Variants in POGLUT3 observed in about 807,000 individuals in gnomAD.
POGLUT3 encodes protein O-glucosyltransferase 3.
A neutral mutation model predicts 54.3 loss-of-function variants in POGLUT3; 48 were observed. The ratio of observed to expected loss-of-function variants is 0.88; its 90% CI spans 0.70 to 1.12. The LOEUF is 1.12. POGLUT3 is among the 50% of genes most tolerant of loss of function. The pLI is 0.00. For synonymous variants in POGLUT3, 218 were observed against 237.4 expected (o/e 0.92, Z 0.75); for missense variants, 629 against 618.7 (o/e 1.02, Z -0.18).
In POGLUT3 at chr11:108,478,874, G is replaced by A. The variant is rs191332352; in HGVS notation, c.1293+427C>T. Among the ~76,000 whole-genome samples the A allele has an allele frequency of 7.4e-4, 113 of 152,296 alleles. 1 individual carries two copies. Among genetic ancestry groups the A allele is most frequent in the African/African-American group, 2.5e-3 (103 of 41,556 alleles). On this transcript the variant is annotated intron_variant, in intron 6 of 7. Transcript: ENST00000323468. ...AAGGAATTCCTATTTTATAGGAAAC[G>A]TGATGCTTGCGTTGTATAACACGCA... is the stretch of plus-strand genomic sequence containing the variant.
In POGLUT3 at chr11:108,474,753, T is replaced by A; in HGVS notation, c.*74A>T. The stretch of plus-strand genomic sequence containing the variant: ...GTCCACTTGGTGCAGTCTTCTATAC[T>A]GTCCTTCACAGCTTAGATTCAATCT... On this transcript the variant is annotated 3_prime_UTR_variant, in exon 8 of 8. Coordinates refer to ENST00000323468, the MANE Select transcript of POGLUT3 (RefSeq NM_153705.5). 6.4e-7 allele frequency: 1 copy of A among 1,572,878 alleles called. No homozygotes were observed.
intron 7 of POGLUT3, among the ~76,000 whole-genome samples, 166 bp downstream of exon 7, chr11:108,477,441 A>C (rs2093584072): frequency 6.6e-6 from 1 of 152,150 alleles, no homozygotes; most frequent in African/African-American, 2.4e-5. Context: ...GGGGGCCACC[A>C]AATGAAGACT....
chr11:108,478,585 T>C (rs2093586694), intron 6 of POGLUT3, among the ~76,000 whole-genome samples: 1 of 152,224 alleles, frequency 6.6e-6, no homozygotes, highest in Non-Finnish European at 1.5e-5. Context: ...AGGCTGTTCA[T>C]TCAGTACCAG....
At chr11:108,481,137 A>G in intron 5 of POGLUT3, 43 bp downstream of exon 5, 2 of 1,481,404 alleles carry the variant, frequency 1.4e-6, no homozygotes, top group South Asian at 1.3e-5. Context: ...TTTTAATACA[A>G]TTTTATCGCT....
intron 5 of POGLUT3, among the ~76,000 whole-genome samples, chr11:108,479,987 C>G (rs1287822929): frequency 6.6e-6 from 1 of 152,162 alleles, no homozygotes; most frequent in Non-Finnish European, 1.5e-5. Flanking sequence ...GCACCCACCA[C>G]TGCAGCCAGC....
intron 1 of POGLUT3, 111 bp downstream of exon 1, chr11:108,498,054 G>C (rs2093625482): frequency 1.0e-6 from 1 of 953,454 alleles, no homozygotes; most frequent in Non-Finnish European, 1.5e-6. Context: ...CCCAAAAAGG[G>C]GCGACACACG....
At chr11:108,497,287 G>C (rs552281197) in intron 1 of POGLUT3, among the ~76,000 whole-genome samples, 1 of 152,318 alleles carries the variant, frequency 6.6e-6, no homozygotes, top group African/African-American at 2.4e-5. Flanking sequence ...TAAATTCTCT[G>C]CTTTGCCCAG....
chr11:108,487,833 A>G (rs1362209363), intron 2 of POGLUT3, among the ~76,000 whole-genome samples: 1 of 152,000 alleles, frequency 6.6e-6, no homozygotes, highest in African/African-American at 2.4e-5. Context: ...GCTGGTCTCA[A>G]ACTTCTGACC....
chr11:108,477,611 AGT>A lies in POGLUT3; in HGVS notation c.1392_1393del (p.Leu465AlafsTer15), dbSNP rs750510683. The A allele has an allele frequency of 1.3e-5, 21 of 1,597,304 alleles. No individual in the cohort carries two copies. The East Asian group carries it at 4.2e-4, about 32-fold the overall frequency. ...GGACGGACACTCTGAACTGACCTGC[AGT>A]ACTTGGTAATAGTAGCAGTAAAGCC... On this transcript the variant is annotated frameshift_variant, in exon 7 of 8. Transcript: ENST00000323468. LOFTEE classifies it high-confidence loss of function.
intron 1 of POGLUT3, among the ~76,000 whole-genome samples, chr11:108,493,510 G>A (rs1233508366): frequency 2.6e-5 from 4 of 152,170 alleles, no homozygotes; most frequent in Admixed American, 2.6e-4. Context: ...TAGTGGGATA[G>A]AATTGAGGCT....
intron 7 of POGLUT3, 98 bp from the exon 8 acceptor site, chr11:108,475,050 G>T: frequency 7.8e-7 from 1 of 1,289,620 alleles, no homozygotes; most frequent in Non-Finnish European, 1.1e-6. Context: ...ATCTTTTCTA[G>T]TTGCTGTGTG....
chr11:108,484,456 CTG>C (rs1173203102), intron 3 of POGLUT3, among the ~76,000 whole-genome samples: 1 of 152,116 alleles, frequency 6.6e-6, no homozygotes, highest in Non-Finnish European at 1.5e-5. Context: ...ATCAGGAAAA[CTG>C]TGTTTTTTTT....
intron 3 of POGLUT3, among the ~76,000 whole-genome samples, chr11:108,485,315 T>C (rs1258452827): frequency 6.6e-6 from 1 of 152,130 alleles, no homozygotes; most frequent in African/African-American, 2.4e-5. Context: ...GCAGGAGTAG[T>C]ATTCAGCGGA....
intron 1 of POGLUT3, among the ~76,000 whole-genome samples, chr11:108,494,180 G>A (rs986980541): frequency 2.6e-5 from 4 of 152,150 alleles, no homozygotes; most frequent in Admixed American, 6.5e-5. Context: ...GAGCAGCAGA[G>A]CCAATATTTG....
In POGLUT3 at chr11:108,473,503, A is replaced by G. The variant is rs942354580; in HGVS notation, c.*1324T>C. The G allele has an allele frequency of 6.6e-6, 1 of 152,244 alleles. No homozygotes were observed. Among genetic ancestry groups the G allele is most frequent in the African/African-American group, 2.4e-5 (1 of 41,466 alleles). 9.4% of individuals were successfully genotyped at this position (152,244 alleles called of 1,614,324 possible). On this transcript the variant is annotated 3_prime_UTR_variant, in exon 8 of 8. Coordinates refer to ENST00000323468, the MANE Select transcript of POGLUT3 (RefSeq NM_153705.5). ...CTAAATCCTGACCCTGTCCTAAAAG[A>G]GAAAGGAAATTTCCAAAGTCTTCAT... is the stretch of plus-strand genomic sequence containing the variant.
intron 7 of POGLUT3, among the ~76,000 whole-genome samples, chr11:108,476,236 C>A (rs374279883): frequency 1.3e-5 from 2 of 152,116 alleles, no homozygotes; most frequent in Non-Finnish European, 2.9e-5. Flanking sequence ...CAGGTTCAAG[C>A]GATTCTCCTG....
chr11:108,490,289 C>G (rs2093610824), intron 2 of POGLUT3, among the ~76,000 whole-genome samples: 1 of 152,170 alleles, frequency 6.6e-6, no homozygotes, highest in Admixed American at 6.5e-5. Flanking sequence ...CCTCCACCTC[C>G]CGGGTTCAAG....
At chr11:108,479,620 AAAAGTTTTATTTTAT>A in intron 5 of POGLUT3, 125 bp from the exon 6 acceptor site, 1 of 582,306 alleles carries the variant, frequency 1.7e-6, no homozygotes, top group South Asian at 3.4e-5. Context: ...TTTTGTGTTT[AAAAGTTTTATTTTAT>A]AACTTACATC....
At chr11:108,482,338 G>C in intron 3 of POGLUT3, 116 bp from the exon 4 acceptor site, 2 of 653,676 alleles carry the variant, frequency 3.1e-6, no homozygotes, top group Non-Finnish European at 5.1e-6. Context: ...TTCAAAAACA[G>C]AGAAGAGAGA....
Sources: gnomAD v4.1 joint callset for allele counts (sites outside exome capture counted in the v4.1 genomes callset) on GRCh38, gnomAD v4.1.1 for gene constraint, MANE v1.5 for transcripts, NCBI Gene and HGNC (gene_info 2026-07-23, HGNC 2026-07-21) for gene names.